SLC9A9: variants seen among roughly 807,000 people sequenced by gnomAD.
SLC9A9 encodes sodium/hydrogen exchanger 9.
Under a neutral mutation model 77.8 loss-of-function variants are expected in SLC9A9, and 62 were observed. That is an observed-to-expected ratio of 0.80 (90% CI 0.65 to 0.98). The LOEUF (loss-of-function observed/expected upper bound fraction) is 0.98, where lower values mean the gene tolerates loss of function less well. SLC9A9 is among the 50% of genes least tolerant of loss of function. SLC9A9 has a pLI of 0.00. For synonymous variants in SLC9A9, 320 were observed against 283.5 expected, an observed-to-expected ratio of 1.13 and a Z score of -1.29; for missense variants, 775 against 774.9, an observed-to-expected ratio of 1.00 and a Z score of 0.00.
chr3:143,822,875 C>T (rs1462713163), intron 2 of SLC9A9, among the ~76,000 whole-genome samples: 2 of 152,200 alleles, frequency 1.3e-5, no homozygotes, highest in African/African-American at 2.4e-5. Context: ...TCTCTCCCTG[C>T]CTTGAATCTC....
chr3:143,533,854 A>G (rs1028324124), intron 9 of SLC9A9, among the ~76,000 whole-genome samples: 6 of 152,222 alleles, frequency 3.9e-5, no homozygotes, highest in Admixed American at 2.0e-4. Context: ...TATCTCCTAC[A>G]ATGCAATACA....
chr3:143,329,936 T>C (rs1349543978), intron 14 of SLC9A9, among the ~76,000 whole-genome samples: 2 of 152,198 alleles, frequency 1.3e-5, no homozygotes, highest in African/African-American at 4.8e-5. Context: ...TGTATTTTTT[T>C]CTCCATGATA....
At chr3:143,614,704 C>A (rs1005963220) in intron 6 of SLC9A9, among the ~76,000 whole-genome samples, 1 of 152,184 alleles carries the variant, frequency 6.6e-6, no homozygotes, top group African/African-American at 2.4e-5. Flanking sequence ...AAACTTTCCA[C>A]TCCCATGATG....
intron 12 of SLC9A9, among the ~76,000 whole-genome samples, chr3:143,414,631 C>A (rs189718148): frequency 6.6e-6 from 1 of 152,246 alleles, no homozygotes; most frequent in East Asian, 1.9e-4. Flanking sequence ...TAAAAGATAG[C>A]AAACTTAATG....
intron 14 of SLC9A9, among the ~76,000 whole-genome samples, chr3:143,274,407 T>A (rs988490095): frequency 6.6e-6 from 1 of 152,206 alleles, no homozygotes; most frequent in African/African-American, 2.4e-5. Context: ...TCCCTTCTAT[T>A]CTTACTAAGA....
chr3:143,803,562 G>A (rs558197913), intron 2 of SLC9A9, among the ~76,000 whole-genome samples: 100 of 152,236 alleles, frequency 6.6e-4, no homozygotes, highest in African/African-American at 2.4e-3. Flanking sequence ...CTCTTAGAGT[G>A]GATAGAGGAT....
chr3:143,705,684 A>T (rs1933950360), intron 4 of SLC9A9, among the ~76,000 whole-genome samples: 1 of 152,198 alleles, frequency 6.6e-6, no homozygotes, highest in Admixed American at 6.6e-5. Flanking sequence ...TTTTATTTAT[A>T]TTGTGGTTAA....
At chr3:143,495,307 A>G in intron 10 of SLC9A9, 28 bp downstream of exon 10, 1 of 1,519,460 alleles carries the variant, frequency 6.6e-7, no homozygotes, top group Non-Finnish European at 9.1e-7. Context: ...TTCTCTAATC[A>G]CCCCATGTTC....
rs138037863 is a variant in SLC9A9 at position 143,447,325 on chromosome 3, G to A, written c.1469+19712C>T. Among the ~76,000 whole-genome samples, 333 of 152,246 alleles carry A rather than the reference G, an allele frequency of 2.2e-3. 1 individual carries two copies. Among genetic ancestry groups the A allele is most frequent in the African/African-American group, 7.3e-3 (303 of 41,538 alleles). ...CAAATGTTTGTGTTGAGAACTGGAAGCAAAAGTATTAAGTAAAACACACAA... is the reference window on the plus strand; with the variant it reads ...CAAATGTTTGTGTTGAGAACTGGAAACAAAAGTATTAAGTAAAACACACAA... On this transcript the variant is annotated intron_variant, in intron 12 of 15. Coordinates refer to ENST00000316549, the MANE Select transcript of SLC9A9 (RefSeq NM_173653.4).
intron 4 of SLC9A9, among the ~76,000 whole-genome samples, chr3:143,717,478 T>C (rs1343986822): frequency 6.6e-6 from 1 of 152,212 alleles, no homozygotes; most frequent in African/African-American, 2.4e-5. Flanking sequence ...ACATAAAAAT[T>C]CAGGCTATGA....
rs139347757 is a variant in SLC9A9 at position 143,764,971 on chromosome 3, T to TTTCCTTCCTTCCTTCC, written c.533+30014_533+30029dup. Among the ~76,000 whole-genome samples, 193 of 147,346 alleles carry TTTCCTTCCTTCCTTCC rather than the reference T, an allele frequency of 1.3e-3. 1 individual carries two copies. The highest frequency in any genetic ancestry group is 4.6e-3 in the African/African-American group (177 of 38,776). ...CTTCCTTCCTTTTTGTTTCTCTTTCTTTCCTTCCTTCCTTCCTTCCTTCCT... is the reference window on the plus strand; with the variant it reads ...CTTCCTTCCTTTTTGTTTCTCTTTCTTTCCTTCCTTCCTTCCTTCCTTCCTTCCTTCCTTCCTTCCT... On this transcript the variant is annotated intron_variant, in intron 4 of 15. Coordinates refer to ENST00000316549, the MANE Select transcript of SLC9A9 (RefSeq NM_173653.4).
rs1272568091 is a variant in SLC9A9 at position 143,266,238 on chromosome 3, T to TATC, written c.*461_*463dup. Reference sequence around the variant, plus strand: ...AGTCAAGTCCTCAAAATAAGAAACTTATCACTTACTAAATAGCTGGGCATT... The same window carrying TATC: ...AGTCAAGTCCTCAAAATAAGAAACTTATCATCACTTACTAAATAGCTGGGCATT... On this transcript the variant is annotated 3_prime_UTR_variant, in exon 16 of 16. Coordinates refer to ENST00000316549, the MANE Select transcript of SLC9A9 (RefSeq NM_173653.4). 8.0e-6 allele frequency: 5 copies of TATC among 624,724 alleles called. No individual in the cohort carries two copies. Among genetic ancestry groups the TATC allele is most frequent in the Non-Finnish European group, 1.1e-5 (4 of 350,652 alleles). 38.7% of individuals were successfully genotyped at this position (624,724 alleles called of 1,614,324 possible).
At chr3:143,326,057 T>C (rs950558226) in intron 14 of SLC9A9, among the ~76,000 whole-genome samples, 16 of 152,194 alleles carry the variant, frequency 1.1e-4, no homozygotes, top group African/African-American at 3.9e-4. Context: ...ATGTGAGTAT[T>C]TGTAAAAACC....
intron 12 of SLC9A9, among the ~76,000 whole-genome samples, chr3:143,434,096 A>G (rs958588915): frequency 3.9e-5 from 6 of 152,186 alleles, no homozygotes; most frequent in Non-Finnish European, 4.4e-5. Flanking sequence ...GTAGCACTGT[A>G]TAATAATACC....
At chr3:143,541,260 A>G (rs2036685468) in intron 9 of SLC9A9, among the ~76,000 whole-genome samples, 1 of 152,194 alleles carries the variant, frequency 6.6e-6, no homozygotes, top group Non-Finnish European at 1.5e-5. Flanking sequence ...GGGCAAAGTA[A>G]GCTTTCACAT....
Position 143,625,826 on chromosome 3 carries a change from G to A in SLC9A9, c.755+26429C>T, listed in dbSNP as rs199764822. Among the ~76,000 whole-genome samples, 17 of 152,214 alleles carry A rather than the reference G, an allele frequency of 1.1e-4. No homozygotes were observed. The East Asian group carries it at 3.3e-3, about 29-fold the overall frequency. On this transcript the variant is annotated intron_variant, in intron 6 of 15. Transcript: ENST00000316549. ...AAGAAACTACCATCAGAGTGAACAG[G>A]CAACCTACAGAATGGGAGAAAATTT...
chr3:143,527,099 C>A (rs1395146959), intron 9 of SLC9A9, among the ~76,000 whole-genome samples: 2 of 152,190 alleles, frequency 1.3e-5, no homozygotes, highest in Non-Finnish European at 2.9e-5. Context: ...CTTGTCTAAT[C>A]CACAAGCCTA....
At chr3:143,583,474 C>T (rs1239683142) in intron 6 of SLC9A9, among the ~76,000 whole-genome samples, 2 of 152,156 alleles carry the variant, frequency 1.3e-5, no homozygotes, top group African/African-American at 4.8e-5. Context: ...ATATGATGCT[C>T]CTGCAAGGAA....
intron 5 of SLC9A9, among the ~76,000 whole-genome samples, chr3:143,673,122 T>C (rs1011263269): frequency 1.3e-5 from 2 of 152,238 alleles, no homozygotes; most frequent in African/African-American, 4.8e-5. Context: ...GTACAGTGTA[T>C]AGAAATGCCT....
Sources: allele counts gnomAD v4.1 joint callset (sites outside exome capture counted in the v4.1 genomes callset), GRCh38; gene constraint gnomAD v4.1.1; transcripts MANE v1.5; gene names NCBI Gene and HGNC (gene_info 2026-07-23, HGNC 2026-07-21).